The following THADA variants were observed in gnomAD, a reference collection of about 807,000 sequenced individuals.
THADA encodes tRNA (32-2'-O)-methyltransferase regulator THADA.
In THADA, 213 loss-of-function variants were observed where a neutral mutation model predicts 219.8. The observed-to-expected ratio is 0.97, with a 90% CI of 0.87 to 1.09. The LOEUF (loss-of-function observed/expected upper bound fraction) is 1.09. Ranked by LOEUF, THADA falls within the 50% of genes least tolerant of loss-of-function variation. The pLI, the probability that THADA is intolerant of heterozygous loss-of-function variation, is 0.00. For missense variants in THADA, 2,956 were observed against 2,311.3 expected (o/e 1.28, Z -5.72); for synonymous variants, 1,018 against 828.9 (o/e 1.23, Z -3.92).
At chr2:43,284,683 C>T (rs993170475) in intron 35 of THADA, among the ~76,000 whole-genome samples, 6 of 152,070 alleles carry the variant, frequency 3.9e-5, no homozygotes, top group African/African-American at 7.2e-5. Context: ...AGTGGAGCTG[C>T]GAGAAGAGGA....
At chr2:43,395,340 G>A (rs963695442) in intron 29 of THADA, among the ~76,000 whole-genome samples, 7 of 152,216 alleles carry the variant, frequency 4.6e-5, no homozygotes, top group Non-Finnish European at 7.3e-5. Context: ...ACACAATCAA[G>A]AGATGTAAAT....
intron 26 of THADA, among the ~76,000 whole-genome samples, chr2:43,442,402 C>T (rs1443936061): frequency 1.3e-5 from 2 of 152,110 alleles, no homozygotes; most frequent in Admixed American, 6.5e-5. Flanking sequence ...CACCACTGCA[C>T]TCCAGCCTGG....
intron 25 of THADA, among the ~76,000 whole-genome samples, chr2:43,490,748 A>C (rs1027386634): frequency 6.6e-6 from 1 of 152,120 alleles, no homozygotes; most frequent in African/African-American, 2.4e-5. Context: ...GTTATCTCTT[A>C]TGATATCTAA....
intron 29 of THADA, among the ~76,000 whole-genome samples, chr2:43,366,288 A>G (rs567729029): frequency 6.6e-6 from 1 of 152,348 alleles, no homozygotes; most frequent in South Asian, 2.1e-4. Context: ...ATTACTGTCT[A>G]ATGAACTGTA....
At position 43,574,026 on chromosome 2, in the gene THADA, A is replaced by C. The variant is rs190256866; in HGVS notation, c.1729+310T>G. On this transcript the variant is annotated intron_variant, in intron 11 of 37. Transcript: ENST00000405975. ...AATAAGCACATTATATAAGACACAC[A>C]AACTTTTATTTCAGTGATACAATAA... Among the ~76,000 whole-genome samples, 5 of 144,738 alleles carry C rather than the reference A, an allele frequency of 3.5e-5. No homozygotes were observed. The East Asian group carries it at 9.9e-4, about 29-fold the overall frequency. 95.0% of individuals were successfully genotyped at this position (144,738 alleles called of 152,430 possible). A position where few individuals can be genotyped will look rare whatever the true frequency, so the allele number is the denominator to read the frequency against.
intron 17 of THADA, among the ~76,000 whole-genome samples, chr2:43,555,240 TAA>T (rs201739414): frequency 6.6e-6 from 1 of 151,186 alleles, no homozygotes; most frequent in Admixed American, 6.6e-5. Flanking sequence ...GCAATATTAT[TAA>T]AAAAAAGAAG....
chr2:43,574,482 G>C lies in THADA; in HGVS notation c.1583C>G (p.Ser528Cys). ...WIDQWHETWV[S>C]PLLFILCEGN... is the part of the protein sequence containing the mutation. ...TTCACACAATATAAAAAGGAGAGGAGAAACCCAAGTCTCATGCCACTGGTC... is the reference window on the plus strand; with the variant it reads ...TTCACACAATATAAAAAGGAGAGGACAAACCCAAGTCTCATGCCACTGGTC... Residue 528 changes from serine to cysteine, a missense_variant, in exon 11 of 38, where the codon TCT (serine) becomes TGT (cysteine). By Grantham distance (112) the Ser-to-Cys change is moderately radical (BLOSUM62 -1). Coordinates refer to ENST00000405975, the MANE Select transcript of THADA (RefSeq NM_022065.5). 2 of 1,613,806 alleles carry C rather than the reference G, an allele frequency of 1.2e-6. No individual in the cohort carries two copies. Among genetic ancestry groups the C allele is most frequent in the Non-Finnish European group, 1.7e-6 (2 of 1,179,826 alleles).
intron 29 of THADA, among the ~76,000 whole-genome samples, chr2:43,389,556 G>C (rs1192788201): frequency 6.6e-6 from 1 of 152,170 alleles, no homozygotes; most frequent in East Asian, 1.9e-4. Context: ...CCACTTTGAA[G>C]GCTACAGGCC....
intron 13 of THADA, 105 bp from the exon 14 acceptor site, chr2:43,570,615 A>AGAT: frequency 8.5e-7 from 1 of 1,177,922 alleles, no homozygotes; most frequent in Non-Finnish European, 1.2e-6. Flanking sequence ...AGAAGAGTAC[A>AGAT]GATTTTTAAG....
At chr2:43,318,104 A>G (rs980906889) in intron 31 of THADA, among the ~76,000 whole-genome samples, 2 of 152,100 alleles carry the variant, frequency 1.3e-5, no homozygotes, top group African/African-American at 4.8e-5. Context: ...CAATGGCATG[A>G]TCATAGCTCA....
At chr2:43,430,063 C>G (rs1679034318) in intron 27 of THADA, 150 bp downstream of exon 27, 1 of 430,726 alleles carries the variant, frequency 2.3e-6, no homozygotes, top group Middle Eastern at 3.1e-4. Context: ...GCTTGGGTGA[C>G]AGGGAAAGAC....
chr2:43,395,072 C>A (rs1030556990), intron 29 of THADA, among the ~76,000 whole-genome samples: 1 of 152,198 alleles, frequency 6.6e-6, no homozygotes, highest in African/African-American at 2.4e-5. Flanking sequence ...CCCAGCCAGA[C>A]CTGCCAGTAG....
intron 22 of THADA, 25 bp from the exon 23 acceptor site, chr2:43,508,805 T>C (rs772130009): frequency 4.3e-6 from 7 of 1,609,492 alleles, no homozygotes; most frequent in Non-Finnish European, 5.9e-6. Context: ...TAATCAAATA[T>C]TCGGAATTAG....
At chr2:43,534,490 C>T (rs1694297878) in intron 21 of THADA, among the ~76,000 whole-genome samples, 1 of 152,104 alleles carries the variant, frequency 6.6e-6, no homozygotes, top group Non-Finnish European at 1.5e-5. Flanking sequence ...CTCTCAACTA[C>T]TCTTCCCAGC....
intron 28 of THADA, among the ~76,000 whole-genome samples, chr2:43,423,669 T>C (rs1678029328): frequency 6.6e-6 from 1 of 152,266 alleles, no homozygotes; most frequent in Admixed American, 6.5e-5. Context: ...CCTGACTTGG[T>C]GATCCGCCCG....
chr2:43,467,834 T>C (rs1287986261), intron 26 of THADA, among the ~76,000 whole-genome samples: 2 of 152,184 alleles, frequency 1.3e-5, no homozygotes, highest in Non-Finnish European at 1.5e-5. Context: ...CTGTCACTAA[T>C]GGAATCTTAT....
intron 34 of THADA, among the ~76,000 whole-genome samples, chr2:43,291,454 CAAAAAAAAAAA>C (rs765352765): frequency 1.5e-3 from 12 of 8,088 alleles, no homozygotes; most frequent in Admixed American, 3.8e-3. Flanking sequence ...AACTCCATCT[CAAAAAAAAAAA>C]AAAAAAAAAA....
At chr2:43,405,548 T>C (rs953324754) in intron 28 of THADA, among the ~76,000 whole-genome samples, 1 of 152,198 alleles carries the variant, frequency 6.6e-6, no homozygotes, top group Admixed American at 6.6e-5. Flanking sequence ...CCCGAACTAG[T>C]TGCTCCTTTT....
intron 26 of THADA, among the ~76,000 whole-genome samples, chr2:43,475,290 C>T (rs114126321): frequency 0.01 from 1,523 of 152,002 alleles, 26 homozygotes; most frequent in African/African-American, 0.035. Context: ...GTGTCACGCA[C>T]GTGTAGCCCC....
Sources: allele counts gnomAD v4.1 joint callset (sites outside exome capture counted in the v4.1 genomes callset), GRCh38; gene constraint gnomAD v4.1.1; transcripts MANE v1.5; gene names NCBI Gene and HGNC (gene_info 2026-07-23, HGNC 2026-07-21).